Variants in LMNTD1 observed in about 807,000 individuals in gnomAD.
LMNTD1 encodes lamin tail domain containing 1, also known as lamin tail domain-containing protein 1.
Under a neutral mutation model 50.9 loss-of-function variants are expected in LMNTD1, and 35 were observed. The observed-to-expected ratio is 0.69, with a 90% CI of 0.53 to 0.91. The LOEUF (loss-of-function observed/expected upper bound fraction) is 0.91. Ranked by LOEUF, LMNTD1 falls within the 40% of genes least tolerant of loss-of-function variation. The pLI, the probability that LMNTD1 is intolerant of heterozygous loss-of-function variation, is 0.00. For missense variants in LMNTD1, 470 were observed against 475.5 expected (o/e 0.99, Z 0.11); for synonymous variants, 153 against 161.9 (o/e 0.94, Z 0.42).
At chr12:25,561,773 T>C (rs921066933) in intron 1 of LMNTD1, among the ~76,000 whole-genome samples, 3 of 152,152 alleles carry the variant, frequency 2.0e-5, no homozygotes, top group African/African-American at 7.2e-5. Context: ...TCTGTGGGAG[T>C]CTAAGTCTCT....
At chr12:25,604,246 C>T (rs1946045403) in intron 1 of LMNTD1, among the ~76,000 whole-genome samples, 1 of 152,018 alleles carries the variant, frequency 6.6e-6, no homozygotes, top group South Asian at 2.1e-4. Flanking sequence ...CACTTATGGC[C>T]ACATGGGACA....
intron 6 of LMNTD1, among the ~76,000 whole-genome samples, chr12:25,525,069 T>C (rs1316672509): frequency 6.6e-6 from 1 of 152,184 alleles, no homozygotes; most frequent in African/African-American, 2.4e-5. Context: ...CATAGTAAGT[T>C]AGACTGAGGG....
intron 1 of LMNTD1, among the ~76,000 whole-genome samples, chr12:25,633,539 AAAC>A (rs1351335313): frequency 2.6e-5 from 4 of 152,222 alleles, no homozygotes; most frequent in Admixed American, 1.3e-4. Context: ...AAAACCAAGC[AAAC>A]ACAAGGAAAT....
chr12:25,557,096 T>A (rs1306024218), upstream of LMNTD1: 1 of 152,202 alleles, frequency 6.6e-6, no homozygotes, highest in African/African-American at 2.4e-5. Context: ...AGGAATTCAA[T>A]TTCATATTTA....
chr12:25,536,245 A>G (rs1303108190), intron 4 of LMNTD1, among the ~76,000 whole-genome samples: 1 of 152,198 alleles, frequency 6.6e-6, no homozygotes, highest in Non-Finnish European at 1.5e-5. Context: ...GACATGAAAC[A>G]TTCTACTAAA....
At chr12:25,622,476 C>CCCCCCCCCCCT (rs5797142) in intron 1 of LMNTD1, among the ~76,000 whole-genome samples, 1 of 141,502 alleles carries the variant, frequency 7.1e-6, no homozygotes, top group African/African-American at 2.6e-5. Flanking sequence ...CGCCCCCCCC[C>CCCCCCCCCCCT]GCAAAATAAT....
At chr12:25,622,472 C>G (rs7488326) in intron 1 of LMNTD1, among the ~76,000 whole-genome samples, 17,629 of 137,968 alleles carry the variant, frequency 0.13, 2,624 homozygotes, top group African/African-American at 0.27. Context: ...AGCCCGCCCC[C>G]CCCCGCAAAA....
chr12:25,498,580 T>C (rs547262877), intron 9 of LMNTD1, among the ~76,000 whole-genome samples: 2 of 152,246 alleles, frequency 1.3e-5, no homozygotes, highest in East Asian at 1.9e-4. Context: ...GACTTGATAG[T>C]TGGGTTGGAT....
intron 8 of LMNTD1, among the ~76,000 whole-genome samples, chr12:25,513,197 C>T (rs1274150925): frequency 4.6e-5 from 7 of 152,142 alleles, no homozygotes; most frequent in African/African-American, 1.7e-4. Flanking sequence ...TAAGATGCAT[C>T]CCGATTAAAA....
intron 5 of LMNTD1, among the ~76,000 whole-genome samples, 165 bp from the exon 6 acceptor site, chr12:25,526,383 G>A (rs1257311889): frequency 6.6e-6 from 1 of 152,044 alleles, no homozygotes; most frequent in Non-Finnish European, 1.5e-5. Flanking sequence ...CTACTCTACA[G>A]GGATTAAAGG....
intron 9 of LMNTD1, among the ~76,000 whole-genome samples, chr12:25,502,059 C>T (rs1939422704): frequency 6.6e-6 from 1 of 151,926 alleles, no homozygotes; most frequent in Non-Finnish European, 1.5e-5. Flanking sequence ...ATCAAAGCTA[C>T]CAAAGAATAT....
At chr12:25,511,766 T>C (rs1420616189) in intron 8 of LMNTD1, among the ~76,000 whole-genome samples, 2 of 152,204 alleles carry the variant, frequency 1.3e-5, no homozygotes, top group Admixed American at 6.5e-5. Flanking sequence ...CTCTAACATC[T>C]AGTCCTTACC....
At chr12:25,520,841 TCTCC>T in intron 6 of LMNTD1, among the ~76,000 whole-genome samples, 1 of 152,188 alleles carries the variant, frequency 6.6e-6, no homozygotes, top group Non-Finnish European at 1.5e-5. Flanking sequence ...GGTTCCCTTT[TCTCC>T]ATACTCTCAC....
chr12:25,550,818 C>T (rs1943699791), intron 2 of LMNTD1, among the ~76,000 whole-genome samples: 1 of 152,168 alleles, frequency 6.6e-6, no homozygotes, highest in Non-Finnish European at 1.5e-5. Context: ...CTAGACTGCT[C>T]TTTAATGTGC....
intron 4 of LMNTD1, among the ~76,000 whole-genome samples, chr12:25,541,385 G>A (rs1023650047): frequency 6.1e-5 from 9 of 147,368 alleles, no homozygotes; most frequent in African/African-American, 2.2e-4. Context: ...ATAGATCAAT[G>A]GAACAGAACA....
chr12:25,503,443 T>C (rs1939500827), intron 9 of LMNTD1, among the ~76,000 whole-genome samples: 1 of 152,166 alleles, frequency 6.6e-6, no homozygotes, highest in Non-Finnish European at 1.5e-5. Context: ...GTGTTTGAAG[T>C]GACTCTGGAG....
chr12:25,535,834 T>C lies in LMNTD1; in HGVS notation c.492-8879A>G, dbSNP rs78124629. ...TCAACTATATGCTACCTACAAAACA[T>C]TCACTCTAAATATAAAGACACAAAT... On this transcript the variant is annotated intron_variant, in intron 4 of 9. Coordinates refer to ENST00000458174, the MANE Select transcript of LMNTD1 (RefSeq NM_001145728.2). 3.9e-4 allele frequency among the ~76,000 whole-genome samples: 59 copies of C among 152,152 alleles called. No homozygotes were observed. The East Asian group carries it at 0.011, about 29-fold the overall frequency.
intron 1 of LMNTD1, among the ~76,000 whole-genome samples, chr12:25,604,513 A>C (rs916137583): frequency 1.3e-5 from 2 of 149,380 alleles, no homozygotes; most frequent in African/African-American, 2.5e-5. Flanking sequence ...CCCACCCCAC[A>C]ACAGTCCCCG....
intron 1 of LMNTD1, among the ~76,000 whole-genome samples, chr12:25,560,828 CTGTT>C (rs1168852794): frequency 6.6e-6 from 1 of 152,124 alleles, no homozygotes; most frequent in African/African-American, 2.4e-5. Context: ...ATTTGGCTCT[CTGTT>C]TGTCTGTTAT....
Sources: gnomAD v4.1 joint callset for allele counts (sites outside exome capture counted in the v4.1 genomes callset) on GRCh38, gnomAD v4.1.1 for gene constraint, MANE v1.5 for transcripts, NCBI Gene and HGNC (gene_info 2026-07-23, HGNC 2026-07-21) for gene names.